The following ESRRG variants were observed in gnomAD, a reference collection of about 807,000 sequenced individuals.
ESRRG encodes estrogen-related receptor gamma.
Under a neutral mutation model 44.0 loss-of-function variants are expected in ESRRG, and 13 were observed. The ratio of observed to expected loss-of-function variants is 0.30; its 90% CI spans 0.19 to 0.47. ESRRG has a LOEUF of 0.47. Ranked by LOEUF, ESRRG falls within the 20% of genes least tolerant of loss-of-function variation. ESRRG has a pLI of 1.00. For synonymous variants in ESRRG, 215 were observed against 214.6 expected (o/e 1.00, Z -0.02); for missense variants, 395 against 580.6 (o/e 0.68, Z 3.29).
At chr1:216,844,321 T>C (rs1268595079) in intron 2 of ESRRG, among the ~76,000 whole-genome samples, 1 of 152,176 alleles carries the variant, frequency 6.6e-6, no homozygotes, top group Non-Finnish European at 1.5e-5. Flanking sequence ...AATAAGGATT[T>C]TGACCTTCTT....
intron 1 of ESRRG, among the ~76,000 whole-genome samples, chr1:216,976,514 T>A (rs926307726): frequency 6.6e-6 from 1 of 152,184 alleles, no homozygotes; most frequent in Non-Finnish European, 1.5e-5. Context: ...GATGTAACCT[T>A]CATAACCCAG....
chr1:216,616,605 T>A (rs2061459167), intron 3 of ESRRG, among the ~76,000 whole-genome samples: 1 of 152,200 alleles, frequency 6.6e-6, no homozygotes, highest in Non-Finnish European at 1.5e-5. Flanking sequence ...ACAGATTACA[T>A]CCTTTACTTT....
At chr1:216,556,046 G>T (rs1489782397) in intron 5 of ESRRG, among the ~76,000 whole-genome samples, 1 of 152,086 alleles carries the variant, frequency 6.6e-6, no homozygotes, top group Non-Finnish European at 1.5e-5. Context: ...TCTTTTAGAG[G>T]TGGAAAAAGC....
intron 3 of ESRRG, among the ~76,000 whole-genome samples, chr1:216,646,535 G>C (rs186417078): frequency 7.6e-4 from 115 of 152,254 alleles, no homozygotes; most frequent in Admixed American, 3.9e-3. Flanking sequence ...GGTAGAACCA[G>C]GGCTTGAATC....
rs75262476 is a variant in ESRRG, at chr1:216,976,606, C to T, written c.-105-36933G>A. ...ATGCTAAACACCTCTTAATTAGGGG[C>T]TCATTGAACAAAGGTAGCATTCATC... On this transcript the variant is annotated intron_variant, in intron 1 of 7. Coordinates refer to the ESRRG transcript ENST00000359162. Among the ~76,000 whole-genome samples the T allele has an allele frequency of 2.5e-3, 385 of 152,232 alleles. 4 individuals are homozygous for T. The East Asian group carries it at 0.039, about 15-fold the overall frequency.
chr1:217,081,198 A>G (rs1022472821), intron 1 of ESRRG, among the ~76,000 whole-genome samples: 3 of 145,808 alleles, frequency 2.1e-5, no homozygotes, highest in Non-Finnish European at 3.0e-5. Flanking sequence ...GATATTTATC[A>G]GTGAATTATA....
chr1:217,077,305 G>A (rs944675611), intron 1 of ESRRG, among the ~76,000 whole-genome samples: 4 of 152,240 alleles, frequency 2.6e-5, no homozygotes, highest in South Asian at 2.1e-4. Flanking sequence ...CATAAGTATT[G>A]TTGCATATTA....
chr1:216,694,627 G>T (rs1309334111), intron 1 of ESRRG, among the ~76,000 whole-genome samples: 2 of 151,884 alleles, frequency 1.3e-5, no homozygotes, highest in African/African-American at 2.4e-5. Flanking sequence ...CGTGATCAGA[G>T]CTTACTGAAG....
intron 6 of ESRRG, among the ~76,000 whole-genome samples, chr1:216,518,527 T>C (rs2045088878): frequency 6.6e-6 from 1 of 152,064 alleles, no homozygotes; most frequent in Non-Finnish European, 1.5e-5. Flanking sequence ...AAGACCATAA[T>C]AAAGCATTAA....
intron 1 of ESRRG, among the ~76,000 whole-genome samples, chr1:216,949,538 T>C (rs1472510764): frequency 1.3e-5 from 2 of 152,156 alleles, no homozygotes; most frequent in Admixed American, 1.3e-4. Flanking sequence ...TACATCATAG[T>C]TAGCACCCAT....
chr1:216,689,148 T>A (rs2078592181), intron 1 of ESRRG, among the ~76,000 whole-genome samples: 1 of 152,166 alleles, frequency 6.6e-6, no homozygotes, highest in Non-Finnish European at 1.5e-5. Flanking sequence ...CTATGCTCAG[T>A]AAAGATTTAG....
intron 2 of ESRRG, among the ~76,000 whole-genome samples, chr1:216,903,189 A>G (rs560591180): frequency 3.9e-4 from 60 of 152,248 alleles, no homozygotes; most frequent in African/African-American, 1.4e-3. Flanking sequence ...TATACCATCT[A>G]GCATAGACTG....
At chr1:216,577,940 G>A (rs1391625928) in intron 3 of ESRRG, among the ~76,000 whole-genome samples, 5 of 151,928 alleles carry the variant, frequency 3.3e-5, no homozygotes, top group Admixed American at 2.6e-4. Context: ...TTATCTCTGA[G>A]CCAATGTGTT....
rs528912645 is a variant in ESRRG at position 216,894,745 on chromosome 1, G to C, written c.-14+44837C>G. Among the ~76,000 whole-genome samples, 9 of 152,160 alleles carry C rather than the reference G, an allele frequency of 5.9e-5. No homozygotes were observed. In the South Asian group the frequency reaches 1.9e-3, roughly 32 times the overall value. On this transcript the variant is annotated intron_variant, in intron 2 of 7. Transcript: ENST00000359162. ...ACCAGAGAACACGGTCAAGTGGTCA[G>C]GAGCAGCACTGATGTTAATTAGCAA...
chr1:216,628,233 A>C (rs965799330), intron 3 of ESRRG, among the ~76,000 whole-genome samples: 2 of 152,150 alleles, frequency 1.3e-5, no homozygotes, highest in East Asian at 3.9e-4. Flanking sequence ...ATAGGATCCA[A>C]TCTTTATTTA....
chr1:216,653,123 T>C (rs2069435479), intron 2 of ESRRG, among the ~76,000 whole-genome samples: 1 of 152,220 alleles, frequency 6.6e-6, no homozygotes, highest in South Asian at 2.1e-4. Flanking sequence ...TCTACCAGGA[T>C]GATCCACTGC....
chr1:216,656,058 T>C (rs1462427257), intron 2 of ESRRG, among the ~76,000 whole-genome samples: 2 of 152,146 alleles, frequency 1.3e-5, no homozygotes, highest in Non-Finnish European at 2.9e-5. Context: ...TTGTTTTCCT[T>C]CCATTCTCTA....
intron 3 of ESRRG, among the ~76,000 whole-genome samples, chr1:216,640,351 C>A (rs554713281): frequency 2.6e-4 from 40 of 152,116 alleles, no homozygotes; most frequent in Non-Finnish European, 4.3e-4. Context: ...CTACTCTCCA[C>A]TGAGTGGCTT....
chr1:216,572,440 T>C (rs1034722820), intron 3 of ESRRG, among the ~76,000 whole-genome samples: 2 of 152,120 alleles, frequency 1.3e-5, no homozygotes, highest in African/African-American at 2.4e-5. Context: ...TTCATGTAAA[T>C]CATAATAATA....
Sources: gnomAD v4.1 joint callset for allele counts (sites outside exome capture counted in the v4.1 genomes callset) on GRCh38, gnomAD v4.1.1 for gene constraint, MANE v1.5 for transcripts, NCBI Gene and HGNC (gene_info 2026-07-23, HGNC 2026-07-21) for gene names.